AKAP9: variants seen among roughly 807,000 people sequenced by gnomAD.
AKAP9 encodes A-kinase anchoring protein 9, also known as A-kinase anchor protein 9.
In AKAP9, 311 loss-of-function variants were observed where a neutral mutation model predicts 488.5. That is an observed-to-expected ratio of 0.64 (90% CI 0.58 to 0.70). The LOEUF is 0.70. Ranked by LOEUF, AKAP9 falls within the 30% of genes least tolerant of loss-of-function variation. The pLI, the probability that AKAP9 is intolerant of heterozygous loss-of-function variation, is 0.00. For missense variants in AKAP9, 4,215 were observed against 4,374.5 expected (o/e 0.96, Z 1.03); for synonymous variants, 1,462 against 1,483.5 (o/e 0.99, Z 0.33).
intron 8 of AKAP9, among the ~76,000 whole-genome samples, chr7:92,006,685 C>T (rs1048448307): frequency 3.9e-4 from 59 of 151,986 alleles, no homozygotes; most frequent in African/African-American, 1.4e-3. Context: ...AATGTGGATG[C>T]CACACAGATA....
At chr7:92,070,446 TTTTTG>T (rs1431094262) in intron 27 of AKAP9, among the ~76,000 whole-genome samples, 2 of 141,012 alleles carry the variant, frequency 1.4e-5, no homozygotes, top group African/African-American at 2.7e-5. Flanking sequence ...TTTGTTTTGT[TTTTTG>T]GAGACATAGT....
chr7:92,042,161 T>C lies in AKAP9; in HGVS notation c.5033T>C (p.Leu1678Pro). The change falls in exon 19 of 50, where the codon CTG becomes CCG. Residue 1678 changes from leucine (L) to proline (P), a missense_variant. Around this residue, in one of 5 missense-constraint regions of AKAP9, gnomAD observed 2,361 missense variants for 2,430.0 expected, o/e 0.97. Coordinates refer to ENST00000356239, the MANE Select transcript of AKAP9 (RefSeq NM_005751.5). ...GGAAGAGAGAAGCTGTGTTGTGAGCTGCGCAACAGCAGTACGCAAACACAG... is the reference window on the plus strand; with the variant it reads ...GGAAGAGAGAAGCTGTGTTGTGAGCCGCGCAACAGCAGTACGCAAACACAG... ...LAGREKLCCELRNSSTQTQNG... is the reference protein window; with the variant it reads ...LAGREKLCCEPRNSSTQTQNG... The C allele has an allele frequency of 6.2e-7, 1 of 1,613,926 alleles. No individual in the cohort carries two copies. The highest frequency in any genetic ancestry group is 8.5e-7 in the Non-Finnish European group (1 of 1,179,860).
In AKAP9 at chr7:92,080,146, T is replaced by C. The variant is rs771712081; in HGVS notation, c.8013T>C (p.Val2671=). ...AAAGAAGCCCTCAAGATGTTGAAGT[T>C]CTCAAGGTTAGTTTTGTATTTTATT... ...EKKRSPQDVE[V]LKTTTELFHS... The change falls in exon 31 of 50, where the codon GTT becomes GTC. Residue 2671 remains valine (V), a synonymous_variant. Coordinates refer to ENST00000356239, the MANE Select transcript of AKAP9 (RefSeq NM_005751.5). 7.6e-6 allele frequency: 12 copies of C among 1,580,424 alleles called. No individual in the cohort carries two copies. In the Admixed American group the frequency reaches 1.1e-4, roughly 14 times the overall value.
intron 20 of AKAP9, 97 bp from the exon 21 acceptor site, chr7:92,044,911 A>T (rs1806715882): frequency 2.2e-6 from 2 of 919,174 alleles, no homozygotes; most frequent in African/African-American, 1.7e-5. Flanking sequence ...TTATTTTTCA[A>T]ATCAAATATT....
chr7:92,037,505 A>G (rs1384084785), intron 16 of AKAP9, among the ~76,000 whole-genome samples: 1 of 152,214 alleles, frequency 6.6e-6, no homozygotes, highest in Non-Finnish European at 1.5e-5. Context: ...TTCTTTCATT[A>G]TAAATTATCT....
intron 9 of AKAP9, 144 bp from the exon 10 acceptor site, chr7:92,014,105 G>A: frequency 1.5e-6 from 1 of 668,594 alleles, no homozygotes. Flanking sequence ...AGACAATGTT[G>A]AGCAATGGAA....
In AKAP9 at chr7:92,104,527, G is replaced by A. The variant is rs1220704187; in HGVS notation, c.11331-1151G>A. 5.3e-5 allele frequency among the ~76,000 whole-genome samples: 8 copies of A among 152,200 alleles called. No homozygotes were observed. The East Asian group carries it at 1.5e-3, about 29-fold the overall frequency. The stretch of plus-strand genomic sequence containing the variant: ...AAAATATGGCACAGTTTTTTAATTG[G>A]AAGCTGTCTGAGATCACCTAGTCCA... On this transcript the variant is annotated intron_variant, in intron 46 of 49. Coordinates refer to ENST00000356239, the MANE Select transcript of AKAP9 (RefSeq NM_005751.5).
chr7:92,060,625 T>G (rs1246323339), intron 22 of AKAP9, among the ~76,000 whole-genome samples: 1 of 152,148 alleles, frequency 6.6e-6, no homozygotes, highest in Non-Finnish European at 1.5e-5. Flanking sequence ...GAATCTGTGT[T>G]TATGGTTAAT....
chr7:91,964,397 C>T (rs759587131), intron 1 of AKAP9, among the ~76,000 whole-genome samples: 1 of 152,018 alleles, frequency 6.6e-6, no homozygotes, highest in Non-Finnish European at 1.5e-5. Context: ...CATAGTTAAC[C>T]TAATGTTGCC....
At chr7:92,015,518 C>G (rs1309124618) in intron 10 of AKAP9, among the ~76,000 whole-genome samples, 1 of 151,984 alleles carries the variant, frequency 6.6e-6, no homozygotes, top group Non-Finnish European at 1.5e-5. Flanking sequence ...TGCACACCAC[C>G]ACGCCCAGCT....
chr7:91,941,496 G>T (rs1790754443), intron 1 of AKAP9, among the ~76,000 whole-genome samples: 1 of 152,152 alleles, frequency 6.6e-6, no homozygotes, highest in African/African-American at 2.4e-5. Context: ...TCTGGGTGGT[G>T]CAGGCATTGT....
At chr7:92,034,496 A>ATTTTTTTT (rs1364779899) in intron 16 of AKAP9, among the ~76,000 whole-genome samples, 1 of 104,272 alleles carries the variant, frequency 9.6e-6, no homozygotes, top group African/African-American at 3.9e-5. Flanking sequence ...ATATATATAT[A>ATTTTTTTT]TATTTTTTTT....
intron 7 of AKAP9, 180 bp downstream of exon 7, chr7:91,995,980 A>G (rs997194658): frequency 3.3e-6 from 2 of 614,684 alleles, no homozygotes; most frequent in Non-Finnish European, 5.7e-6. Context: ...GATAATAGTC[A>G]TTACTGAGTT....
intron 37 of AKAP9, among the ~76,000 whole-genome samples, chr7:92,088,721 A>G (rs1294544138): frequency 1.3e-5 from 2 of 152,122 alleles, no homozygotes; most frequent in African/African-American, 4.8e-5. Context: ...CATACATGTG[A>G]TCAAATTTTG....
At chr7:91,945,842 A>T (rs998009504) in intron 1 of AKAP9, among the ~76,000 whole-genome samples, 2 of 152,226 alleles carry the variant, frequency 1.3e-5, no homozygotes, top group South Asian at 4.1e-4. Context: ...TGGCACGTAA[A>T]GGAAGTATTG....
At chr7:91,952,376 G>A (rs960866517) in intron 1 of AKAP9, among the ~76,000 whole-genome samples, 11 of 152,212 alleles carry the variant, frequency 7.2e-5, no homozygotes, top group Admixed American at 3.3e-4. Flanking sequence ...GCATTATTTA[G>A]TTAGTAGGCA....
chr7:91,986,854 G>A (rs1403067102), intron 3 of AKAP9, among the ~76,000 whole-genome samples: 1 of 151,718 alleles, frequency 6.6e-6, no homozygotes, highest in Non-Finnish European at 1.5e-5. Context: ...CTCATGGTGA[G>A]AAATATATTT....
intron 2 of AKAP9, among the ~76,000 whole-genome samples, chr7:91,976,142 C>G (rs1050027570): frequency 2.6e-5 from 4 of 151,958 alleles, no homozygotes; most frequent in African/African-American, 9.7e-5. Context: ...AGGGTGGTCT[C>G]GAACTCCTGA....
At chr7:92,062,199 G>A in intron 23 of AKAP9, 75 bp from the exon 24 acceptor site, 2 of 1,336,708 alleles carry the variant, frequency 1.5e-6, no homozygotes, top group African/African-American at 1.5e-5. Context: ...TATACCTTTT[G>A]TTGTTTATAT....
Sources: gnomAD v4.1 joint callset for allele counts (sites outside exome capture counted in the v4.1 genomes callset) on GRCh38, gnomAD v4.1.1 for gene constraint, gnomAD v4.1.1 regional missense constraint, MANE v1.5 for transcripts, NCBI Gene and HGNC (gene_info 2026-07-23, HGNC 2026-07-21) for gene names.